The following HSBP1 variants were observed in gnomAD, a reference collection of about 807,000 sequenced individuals.
The protein encoded by HSBP1 is heat shock factor-binding protein 1.
HSBP1 carries 5 observed loss-of-function variants against 9.6 expected under a neutral mutation model. The ratio of observed to expected loss-of-function variants is 0.52; its 90% CI spans 0.27 to 1.09. The LOEUF (loss-of-function observed/expected upper bound fraction) is 1.09. Among genes scored for constraint, HSBP1 ranks in the 50% least tolerant of loss-of-function variants. HSBP1 has a pLI of 0.11. For synonymous variants in HSBP1, 42 were observed against 33.3 expected, an observed-to-expected ratio of 1.26 and a Z score of -0.90; for missense variants, 121 against 96.3, an observed-to-expected ratio of 1.26 and a Z score of -1.07.
chr16:83,818,469 T>G lies in HSBP1; in HGVS notation c.*7051T>G, dbSNP rs756034875. The G allele has an allele frequency of 5.9e-5, 9 of 152,236 alleles. No homozygotes were observed. Among genetic ancestry groups the G allele is most frequent in the Non-Finnish European group, 1.2e-4 (8 of 68,048 alleles). The allele number at this position is 152,236 out of a possible 1,614,324, so 9.4% of individuals were successfully genotyped here. ...AACAATTGTGGACAAGATTTGCTAG[T>G]AATGCTTCCAACAAGTTACCGTTTA... On this transcript the variant is annotated 3_prime_UTR_variant, in exon 4 of 4. Transcript: ENST00000433866.
intron 1 of HSBP1, 196 bp downstream of exon 1, chr16:83,808,317 G>A (rs34704079): frequency 0.017 from 9,655 of 562,584 alleles, 143 homozygotes; most frequent in Non-Finnish European, 0.022. Flanking sequence ...CCCCGCGGGC[G>A]CCCCCAAGCC....
At position 83,813,989 on chromosome 16, in the gene HSBP1, C is replaced by G. The variant is rs1904662088; in HGVS notation, c.*2571C>G. The stretch of plus-strand genomic sequence containing the variant: ...CCCTTGTGAGTCCTTGGAATTTAAG[C>G]CCCACACACACACACTTAGAGCACT... On this transcript the variant is annotated 3_prime_UTR_variant, in exon 4 of 4. Coordinates refer to ENST00000433866, the MANE Select transcript of HSBP1 (RefSeq NM_001537.4). The G allele has an allele frequency of 6.6e-6, 1 of 152,056 alleles. No homozygotes were observed. The highest frequency in any genetic ancestry group is 2.4e-5 in the African/African-American group (1 of 41,368). The allele number at this position is 152,056 out of a possible 1,614,324, so 9.4% of individuals were successfully genotyped here. A position where few individuals can be genotyped will look rare whatever the true frequency, so the allele number is the denominator to read the frequency against.
rs772460714 is a variant in HSBP1, at chr16:83,812,270, T to C, written c.*852T>C. ...AAAGAGAGAAGGAAAAGAGACCATA[T>C]TAAGTCCATGCCAGTTGCTTGGCTA... On this transcript the variant is annotated 3_prime_UTR_variant, in exon 4 of 4. Transcript: ENST00000433866. 6.6e-6 allele frequency: 1 copy of C among 152,618 alleles called. No homozygotes were observed. Among genetic ancestry groups the C allele is most frequent in the Non-Finnish European group, 1.5e-5 (1 of 68,042 alleles). The allele number at this position is 152,618 out of a possible 1,614,324, so 9.5% of individuals were successfully genotyped here.
chr16:83,812,809 C>G lies in HSBP1; in HGVS notation c.*1391C>G, dbSNP rs1177579279. On this transcript the variant is annotated 3_prime_UTR_variant, in exon 4 of 4. Transcript: ENST00000433866. ...GCAGCATTGACCAGACCATCCGAAA[C>G]CTGCGTCCCTGGTGATGTTCTCAAG... 6.6e-6 allele frequency: 1 copy of G among 152,290 alleles called. No individual in the cohort carries two copies. The highest frequency in any genetic ancestry group is 6.5e-5 in the Admixed American group (1 of 15,278). The allele number at this position is 152,290 out of a possible 1,614,324, so 9.4% of individuals were successfully genotyped here.
intron 3 of HSBP1, among the ~76,000 whole-genome samples, chr16:83,811,054 G>A (rs1488547537): frequency 2.0e-5 from 3 of 152,126 alleles, no homozygotes; most frequent in East Asian, 3.9e-4. Context: ...TTATGTCATC[G>A]TTATTCTTAT....
intron 1 of HSBP1, chr16:83,808,465 C>G (rs918082323): frequency 3.4e-6 from 2 of 582,690 alleles, no homozygotes; most frequent in Non-Finnish European, 6.1e-6. Context: ...CCTAAAGACC[C>G]TGAGCTTTGA....
chr16:83,809,688 C>T (rs1268173059), intron 3 of HSBP1, among the ~76,000 whole-genome samples: 1 of 151,776 alleles, frequency 6.6e-6, no homozygotes, highest in Admixed American at 6.6e-5. Flanking sequence ...ATGCTGGTCT[C>T]GAATTCTGAC....
chr16:83,817,827 T>G lies in HSBP1; in HGVS notation c.*6409T>G, dbSNP rs1473722004. The stretch of plus-strand genomic sequence containing the variant: ...CATAAGACCATTTGACTGATTCTGC[T>G]CCAGAATCTTATTGAGGCAAAGGAC... On this transcript the variant is annotated 3_prime_UTR_variant, in exon 4 of 4. Coordinates refer to ENST00000433866, the MANE Select transcript of HSBP1 (RefSeq NM_001537.4). The G allele has an allele frequency of 6.6e-6, 1 of 152,188 alleles. No homozygotes were observed. Among genetic ancestry groups the G allele is most frequent in the Non-Finnish European group, 1.5e-5 (1 of 68,036 alleles). 9.4% of individuals were successfully genotyped at this position (152,188 alleles called of 1,614,324 possible). A position where few individuals can be genotyped will look rare whatever the true frequency, so the allele number is the denominator to read the frequency against.
rs1266139656 is a variant in HSBP1 at position 83,818,021 on chromosome 16, G to A, written c.*6603G>A. The A allele has an allele frequency of 6.6e-6, 1 of 152,192 alleles. No individual in the cohort carries two copies. The highest frequency in any genetic ancestry group is 1.5e-5 in the Non-Finnish European group (1 of 68,042). The allele number at this position is 152,192 out of a possible 1,614,324, so 9.4% of individuals were successfully genotyped here. On this transcript the variant is annotated 3_prime_UTR_variant, in exon 4 of 4. Coordinates refer to ENST00000433866, the MANE Select transcript of HSBP1 (RefSeq NM_001537.4). Reference sequence around the variant, plus strand: ...CTGTGTTCGCTGGGGCCATAATTAAGAATCTTAAAGGGAAAGAATGTTTTG... The same window carrying A: ...CTGTGTTCGCTGGGGCCATAATTAAAAATCTTAAAGGGAAAGAATGTTTTG...
rs1904661824 is a variant in HSBP1, at chr16:83,813,979, G to C, written c.*2561G>C. On this transcript the variant is annotated 3_prime_UTR_variant, in exon 4 of 4. Transcript: ENST00000433866. ...AGTTAATTTGCCCTTGTGAGTCCTT[G>C]GAATTTAAGCCCCACACACACACAC... 1.3e-5 allele frequency: 2 copies of C among 152,108 alleles called. No homozygotes were observed. Among genetic ancestry groups the C allele is most frequent in the African/African-American group, 4.8e-5 (2 of 41,402 alleles). 9.4% of individuals were successfully genotyped at this position (152,108 alleles called of 1,614,324 possible). A position where few individuals can be genotyped will look rare whatever the true frequency, so the allele number is the denominator to read the frequency against.
At position 83,819,331 on chromosome 16, in the gene HSBP1, T is replaced by C. The variant is rs765151222; in HGVS notation, c.*7913T>C. 2 of 152,130 alleles carry C rather than the reference T, an allele frequency of 1.3e-5. No individual in the cohort carries two copies. The highest frequency in any genetic ancestry group is 2.4e-5 in the African/African-American group (1 of 41,418). 9.4% of individuals were successfully genotyped at this position (152,130 alleles called of 1,614,324 possible). ...TACACAAAAACACTGCGTAGAGAAA[T>C]GGGAGTGTGGGCGATGCTCCCATGC... On this transcript the variant is annotated 3_prime_UTR_variant, in exon 4 of 4. Transcript: ENST00000433866.
At position 83,815,311 on chromosome 16, in the gene HSBP1, CCAG is replaced by C. The variant is rs1356189762; in HGVS notation, c.*3895_*3897del. 6.6e-6 allele frequency: 1 copy of C among 152,040 alleles called. No homozygotes were observed. The highest frequency in any genetic ancestry group is 1.5e-5 in the Non-Finnish European group (1 of 68,018). The allele number at this position is 152,040 out of a possible 1,614,324, so 9.4% of individuals were successfully genotyped here. A position where few individuals can be genotyped will look rare whatever the true frequency, so the allele number is the denominator to read the frequency against. On this transcript the variant is annotated 3_prime_UTR_variant, in exon 4 of 4. Transcript: ENST00000433866. ...CAGTATTTTAAAAAAGAAAAAAAGGCCAGCCTGGGCAATATACTGAGACTCCAT... is the reference window on the plus strand; with the variant it reads ...CAGTATTTTAAAAAAGAAAAAAAGGCCCTGGGCAATATACTGAGACTCCAT...
Position 83,818,655 on chromosome 16 carries a change from G to A in HSBP1, c.*7237G>A, listed in dbSNP as rs1472107228. On this transcript the variant is annotated 3_prime_UTR_variant, in exon 4 of 4. Coordinates refer to ENST00000433866, the MANE Select transcript of HSBP1 (RefSeq NM_001537.4). ...GGTCTTTCTTGGGAACCACCGTGAT[G>A]TTCTCTTCTGGACTCTTCGTAACCC... 6.6e-6 allele frequency: 1 copy of A among 152,148 alleles called. No individual in the cohort carries two copies. The highest frequency in any genetic ancestry group is 6.5e-5 in the Admixed American group (1 of 15,288). The allele number at this position is 152,148 out of a possible 1,614,324, so 9.4% of individuals were successfully genotyped here.
chr16:83,808,197 G>C, intron 1 of HSBP1, 76 bp downstream of exon 1: 1 of 1,253,456 alleles, frequency 8.0e-7, no homozygotes. Flanking sequence ...GGACAGAGGC[G>C]CGCCCACCGC....
At position 83,817,942 on chromosome 16, in the gene HSBP1, C is replaced by G. The variant is rs1465016910; in HGVS notation, c.*6524C>G. ...TGCCCTCAAAAGAAATCAGCCTTTC[C>G]CTTTGATAGGTATCTCTCCTGCAAG... On this transcript the variant is annotated 3_prime_UTR_variant, in exon 4 of 4. Coordinates refer to ENST00000433866, the MANE Select transcript of HSBP1 (RefSeq NM_001537.4). 1 of 152,186 alleles carries G rather than the reference C, an allele frequency of 6.6e-6. No homozygotes were observed. Among genetic ancestry groups the G allele is most frequent in the Non-Finnish European group, 1.5e-5 (1 of 68,038 alleles). The allele number at this position is 152,186 out of a possible 1,614,324, so 9.4% of individuals were successfully genotyped here.
At chr16:83,810,227 T>G (rs1260809525) in intron 3 of HSBP1, among the ~76,000 whole-genome samples, 2 of 152,040 alleles carry the variant, frequency 1.3e-5, no homozygotes, top group Non-Finnish European at 2.9e-5. Flanking sequence ...CATTAAGCTT[T>G]TACCCTGGAG....
chr16:83,810,740 C>T (rs960940789), intron 3 of HSBP1, among the ~76,000 whole-genome samples: 1 of 146,144 alleles, frequency 6.8e-6, no homozygotes, highest in Admixed American at 6.9e-5. Context: ...AGACAGGAGG[C>T]AGAGTTTGCA....
rs1042515916 is a variant in HSBP1, at chr16:83,811,677, A to G, written c.*259A>G. ...TTGGCGGTTCTTGCATAACATTGTC[A>G]GATTTTTTAGTGTATTTCTGTGAAG... On this transcript the variant is annotated 3_prime_UTR_variant, in exon 4 of 4. Coordinates refer to ENST00000433866, the MANE Select transcript of HSBP1 (RefSeq NM_001537.4). 1 of 152,198 alleles carries G rather than the reference A, an allele frequency of 6.6e-6. No homozygotes were observed. Among genetic ancestry groups the G allele is most frequent in the Non-Finnish European group, 1.5e-5 (1 of 68,022 alleles). 9.4% of individuals were successfully genotyped at this position (152,198 alleles called of 1,614,324 possible). A position where few individuals can be genotyped will look rare whatever the true frequency, so the allele number is the denominator to read the frequency against.
chr16:83,808,469 G>C, intron 1 of HSBP1: 1 of 584,046 alleles, frequency 1.7e-6, no homozygotes. Flanking sequence ...AAGACCCTGA[G>C]CTTTGAGTCG....
Sources: gnomAD v4.1 joint callset for allele counts (sites outside exome capture counted in the v4.1 genomes callset) on GRCh38, gnomAD v4.1.1 for gene constraint, MANE v1.5 for transcripts, NCBI Gene and HGNC (gene_info 2026-07-23, HGNC 2026-07-21) for gene names.